The following KMT5B variants were observed in gnomAD, a reference collection of about 807,000 sequenced individuals.
The protein encoded by KMT5B is lysine methyltransferase 5B.
In KMT5B, 10 loss-of-function variants were observed where a neutral mutation model predicts 83.2. That is an observed-to-expected ratio of 0.12 (90% confidence interval 0.07 to 0.20). KMT5B has a LOEUF of 0.20. Among genes scored for constraint, KMT5B ranks in the 10% least tolerant of loss-of-function variants. The pLI, the probability that KMT5B is intolerant of heterozygous loss-of-function variation, is 1.00. For missense variants in KMT5B, 753 were observed against 1,067.2 expected, an observed-to-expected ratio of 0.71 and a Z score of 4.10; for synonymous variants, 349 against 388.8, an observed-to-expected ratio of 0.90 and a Z score of 1.20.
At position 68,173,794 on chromosome 11, in the gene KMT5B, G is replaced by A; in HGVS notation, c.653+10C>T. 1.4e-6 allele frequency: 2 copies of A among 1,468,422 alleles called. No individual in the cohort carries two copies. Among genetic ancestry groups the A allele is most frequent in the Non-Finnish European group, 9.4e-7 (1 of 1,058,280 alleles). The allele number at this position is 1,468,422 out of a possible 1,614,324, so 91.0% of individuals were successfully genotyped here. ...ATTAAATTAAAGGCTTATACTAGTA[G>A]AATAGTTACCACTCTTTTGTTGCAA... On this transcript the variant is annotated intron_variant, in intron 6 of 10. Coordinates refer to ENST00000304363, the MANE Select transcript of KMT5B (RefSeq NM_017635.5).
chr11:68,163,798 G>A (rs1015793785), intron 10 of KMT5B, among the ~76,000 whole-genome samples: 12 of 152,208 alleles, frequency 7.9e-5, no homozygotes, highest in Admixed American at 2.0e-4. Flanking sequence ...GAAGCAGCCC[G>A]AAGGCTCAGC....
Position 68,158,836 on chromosome 11 carries a change from C to G in KMT5B, c.1510G>C (p.Val504Leu), listed in dbSNP as rs374119325. ...TGTCTAGTCAAGCACCCGCTGGCAA[C>G]TGCGGCTTGGGCTGGTCCCTCTGGC... ...KEPEGPAQAAVASGCLTRHAA... is the reference protein window; with the variant it reads ...KEPEGPAQAALASGCLTRHAA... Residue 504 changes from valine (V) to leucine (L), a missense_variant, in exon 11 of 11, where the codon GTT (valine) becomes CTT (leucine). Val to Leu is a conservative substitution (Grantham distance 32). Coordinates refer to ENST00000304363, the MANE Select transcript of KMT5B (RefSeq NM_017635.5). 1 of 1,614,068 alleles carries G rather than the reference C, an allele frequency of 6.2e-7. No individual in the cohort carries two copies. Among genetic ancestry groups the G allele is most frequent in the African/African-American group, 1.3e-5 (1 of 74,944 alleles).
At chr11:68,209,348 G>C (rs1200782653) in intron 1 of KMT5B, among the ~76,000 whole-genome samples, 2 of 152,180 alleles carry the variant, frequency 1.3e-5, no homozygotes, top group Non-Finnish European at 2.9e-5. Flanking sequence ...GAGGGCGTAT[G>C]AGAGCTTCTA....
At chr11:68,210,430 T>C (rs73494631) in intron 1 of KMT5B, among the ~76,000 whole-genome samples, 3,058 of 152,310 alleles carry the variant, frequency 0.02, 107 homozygotes, top group African/African-American at 0.069. Flanking sequence ...GGCAGTGAAG[T>C]GTAAAAGATG....
chr11:68,189,818 T>G, intron 2 of KMT5B, 99 bp downstream of exon 2: 1 of 1,255,866 alleles, frequency 8.0e-7, no homozygotes, highest in African/African-American at 1.5e-5. Context: ...ATGCAAAAAA[T>G]TATTTAAGAC....
At chr11:68,173,279 G>C (rs1448566088) in intron 6 of KMT5B, among the ~76,000 whole-genome samples, 1 of 152,178 alleles carries the variant, frequency 6.6e-6, no homozygotes, top group Non-Finnish European at 1.5e-5. Flanking sequence ...GACCTCAAGT[G>C]ATCTGCCTGC....
At chr11:68,201,776 A>G (rs531690415) in intron 1 of KMT5B, among the ~76,000 whole-genome samples, 1 of 152,180 alleles carries the variant, frequency 6.6e-6, no homozygotes, top group South Asian at 2.1e-4. Context: ...AAGTCAATAC[A>G]CATTTTTAAA....
rs2153040403 is a variant in KMT5B at position 68,158,455 on chromosome 11, G to C, written c.1891C>G (p.Pro631Ala). ...TCTTTTCCAGGAGAATCGTGCACTG[G>C]AGTAGATTCCTCTATTTTTGCAAAC... ...KQFAKIEEST[P>A]VHDSPGKDDA... is the part of the protein sequence containing the mutation. Residue 631 changes from proline (P) to alanine (A), a missense_variant, in exon 11 of 11, where the codon CCA (proline) becomes GCA (alanine). Pro to Ala is a conservative substitution (Grantham distance 27, BLOSUM62 -1). Around this residue, in one of 9 missense-constraint regions of KMT5B, gnomAD observed 397 missense variants for 395.9 expected, o/e 1.00. Transcript: ENST00000304363. The C allele has an allele frequency of 6.2e-7, 1 of 1,614,072 alleles. No homozygotes were observed. The highest frequency in any genetic ancestry group is 8.5e-7 in the Non-Finnish European group (1 of 1,179,992).
intron 5 of KMT5B, among the ~76,000 whole-genome samples, chr11:68,174,649 T>C (rs959237563): frequency 3.3e-5 from 5 of 152,184 alleles, no homozygotes; most frequent in African/African-American, 9.7e-5. Flanking sequence ...CTGGCTCTGC[T>C]TCCTGAGTAG....
chr11:68,180,323 A>G, intron 3 of KMT5B, 123 bp from the exon 4 acceptor site: 4 of 1,325,664 alleles, frequency 3.0e-6, no homozygotes, highest in Non-Finnish European at 3.1e-6. Context: ...GTGATAATCA[A>G]GAACTTTAAG....
intron 10 of KMT5B, among the ~76,000 whole-genome samples, chr11:68,161,646 T>C (rs1854880472): frequency 6.6e-6 from 1 of 152,170 alleles, no homozygotes; most frequent in Non-Finnish European, 1.5e-5. Context: ...CTTTCTTCAT[T>C]TCTCTGAATG....
intron 2 of KMT5B, among the ~76,000 whole-genome samples, chr11:68,186,504 G>GGAAAGAAGTGGA (rs1857450471): frequency 6.6e-6 from 1 of 152,178 alleles, no homozygotes; most frequent in Non-Finnish European, 1.5e-5. Context: ...GTAGAAGTGG[G>GGAAAGAAGTGGA]GAAAGAAGTG....
At chr11:68,204,260 C>A (rs796404685) in intron 1 of KMT5B, among the ~76,000 whole-genome samples, 1 of 152,180 alleles carries the variant, frequency 6.6e-6, no homozygotes, top group Non-Finnish European at 1.5e-5. Flanking sequence ...CCAAAGACAT[C>A]GGCTCCTAAT....
chr11:68,212,883 C>G (rs1298276951), intron 1 of KMT5B: 2 of 149,938 alleles, frequency 1.3e-5, no homozygotes, highest in Non-Finnish European at 1.5e-5. Flanking sequence ...GGCCCGGCCC[C>G]GACGCTGCCC....
At chr11:68,205,253 G>A (rs936802450) in intron 1 of KMT5B, among the ~76,000 whole-genome samples, 1 of 152,110 alleles carries the variant, frequency 6.6e-6, no homozygotes, top group Non-Finnish European at 1.5e-5. Context: ...AGGAGGTAGA[G>A]GCTGCAGTGA....
Position 68,157,862 on chromosome 11 carries a change from A to G in KMT5B, c.2484T>C (p.Asp828=). 6.2e-7 allele frequency: 1 copy of G among 1,614,046 alleles called. No homozygotes were observed. The highest frequency in any genetic ancestry group is 8.5e-7 in the Non-Finnish European group (1 of 1,179,972). Residue 828 remains aspartate (D), a synonymous_variant, in exon 11 of 11, where the codon GAT becomes GAC. Coordinates refer to ENST00000304363, the MANE Select transcript of KMT5B (RefSeq NM_017635.5). ...CTTCATCGCCCTCAGAAGAGGAGGA[A>G]TCATCTGTACTTTCTTCCTCATACT... ...YSQYEEESTD[D]SSSSEGDEEE...
chr11:68,209,236 C>G (rs950574327), intron 1 of KMT5B, among the ~76,000 whole-genome samples: 2 of 152,110 alleles, frequency 1.3e-5, no homozygotes, highest in Non-Finnish European at 2.9e-5. Context: ...TTCATCGGGC[C>G]GACCTAGAAT....
At chr11:68,207,433 G>C (rs1860270808) in intron 1 of KMT5B, among the ~76,000 whole-genome samples, 1 of 151,914 alleles carries the variant, frequency 6.6e-6, no homozygotes, top group Non-Finnish European at 1.5e-5. Flanking sequence ...ACAAAACTCA[G>C]AGAATTAGAA....
At chr11:68,198,442 CAA>C (rs1858989932) in intron 1 of KMT5B, among the ~76,000 whole-genome samples, 1 of 1,104 alleles carries the variant, frequency 9.1e-4, no homozygotes. Context: ...GGAAAAAAGA[CAA>C]GACAAGACAA....
Sources: allele counts gnomAD v4.1 joint callset (sites outside exome capture counted in the v4.1 genomes callset), GRCh38; gene constraint gnomAD v4.1.1; regional missense constraint gnomAD v4.1.1; transcripts MANE v1.5; gene names NCBI Gene and HGNC (gene_info 2026-07-23, HGNC 2026-07-21).